DCC: variants seen among roughly 807,000 people sequenced by gnomAD.
DCC encodes netrin receptor DCC.
In DCC, 58 loss-of-function variants were observed where a neutral mutation model predicts 172.5. The ratio of observed to expected loss-of-function variants is 0.34; its 90% CI spans 0.27 to 0.42. The LOEUF (loss-of-function observed/expected upper bound fraction) is 0.42. Ranked by LOEUF, DCC falls within the 10% of genes least tolerant of loss-of-function variation. DCC has a pLI of 1.00. For synonymous variants in DCC, 709 were observed against 644.5 expected (o/e 1.10, Z -1.52); for missense variants, 1,740 against 1,791.0 (o/e 0.97, Z 0.51).
At chr18:53,443,190 A>G (rs9956770) in intron 22 of DCC, among the ~76,000 whole-genome samples, 32 of 152,344 alleles carry the variant, frequency 2.1e-4, no homozygotes, top group African/African-American at 7.7e-4. Context: ...AGACAGGTCA[A>G]TAGTTGGCTT....
chr18:52,417,149 T>A (rs1054599918), intron 1 of DCC, among the ~76,000 whole-genome samples: 1 of 152,118 alleles, frequency 6.6e-6, no homozygotes. Flanking sequence ...TTTGGCTGGA[T>A]ATGAAATTCT....
intron 11 of DCC, among the ~76,000 whole-genome samples, chr18:53,214,101 T>A (rs1473072115): frequency 6.6e-6 from 1 of 152,086 alleles, no homozygotes; most frequent in African/African-American, 2.4e-5. Flanking sequence ...TGTATTTAAT[T>A]TTAAAATCAG....
At chr18:53,350,777 T>C (rs2057782577) in intron 15 of DCC, among the ~76,000 whole-genome samples, 1 of 152,050 alleles carries the variant, frequency 6.6e-6, no homozygotes, top group Non-Finnish European at 1.5e-5. Context: ...ATTGCAATAA[T>C]ATGAAAATTT....
chr18:52,470,464 A>G (rs540431263), intron 1 of DCC, among the ~76,000 whole-genome samples: 1 of 152,276 alleles, frequency 6.6e-6, no homozygotes, highest in East Asian at 1.9e-4. Flanking sequence ...GATCTCTTGT[A>G]ACATTGAGGA....
intron 1 of DCC, among the ~76,000 whole-genome samples, chr18:52,689,414 G>C (rs550327419): frequency 2.5e-4 from 38 of 152,084 alleles, no homozygotes; most frequent in Non-Finnish European, 4.9e-4. Flanking sequence ...AAGAAATAAT[G>C]AGTAGAAAGA....
chr18:53,529,038 T>TCACACACACA (rs140593675), intron 28 of DCC, among the ~76,000 whole-genome samples: 46 of 65,256 alleles, frequency 7.0e-4, no homozygotes, highest in East Asian at 4.5e-3. Flanking sequence ...TCTCTCTCTC[T>TCACACACACA]CACACACACA....
chr18:53,458,812 G>A (rs2045514070), intron 23 of DCC, among the ~76,000 whole-genome samples: 1 of 152,152 alleles, frequency 6.6e-6, no homozygotes, highest in Non-Finnish European at 1.5e-5. Context: ...TTAGCTATTG[G>A]CATAAATTCT....
At chr18:52,374,174 G>A (rs999060732) in intron 1 of DCC, among the ~76,000 whole-genome samples, 3 of 152,156 alleles carry the variant, frequency 2.0e-5, no homozygotes, top group Non-Finnish European at 2.9e-5. Context: ...TTACAGACAT[G>A]AGCCACCATG....
intron 7 of DCC, among the ~76,000 whole-genome samples, chr18:53,107,491 C>T (rs945209557): frequency 5.7e-5 from 8 of 139,330 alleles, no homozygotes; most frequent in Admixed American, 4.6e-4. Flanking sequence ...TGCTCTCTTA[C>T]GTTTATAATC....
intron 7 of DCC, among the ~76,000 whole-genome samples, chr18:53,093,814 A>G (rs1056951067): frequency 6.6e-6 from 1 of 152,296 alleles, no homozygotes; most frequent in Admixed American, 6.5e-5. Flanking sequence ...TTCATCTATT[A>G]GGCATGACAG....
intron 28 of DCC, among the ~76,000 whole-genome samples, chr18:53,529,577 A>G (rs2046502939): frequency 6.6e-6 from 1 of 152,206 alleles, no homozygotes; most frequent in African/African-American, 2.4e-5. Flanking sequence ...TCCTCAAAAG[A>G]CAAACTTGTT....
chr18:52,929,817 A>AACACAC lies in DCC; in HGVS notation c.985+4488_985+4493dup, dbSNP rs34457182. On this transcript the variant is annotated intron_variant, in intron 5 of 28. Transcript: ENST00000442544. ...ATAATCCAAAGACCTGGACTTTGCA[A>AACACAC]ACACACACACACACACACACACACA... Among the ~76,000 whole-genome samples the AACACAC allele has an allele frequency of 7.3e-3, 1,056 of 144,830 alleles. 7 individuals are homozygous for AACACAC. The highest frequency in any genetic ancestry group is 0.016 in the African/African-American group (612 of 38,964).
intron 5 of DCC, among the ~76,000 whole-genome samples, chr18:52,958,196 C>A (rs887869729): frequency 6.6e-6 from 1 of 151,726 alleles, no homozygotes. Context: ...TTTCTTCTAT[C>A]CTTTTATTAT....
At chr18:52,578,724 G>GGGCAC (rs1183223280) in intron 1 of DCC, among the ~76,000 whole-genome samples, 2 of 152,190 alleles carry the variant, frequency 1.3e-5, no homozygotes, top group African/African-American at 4.8e-5. Context: ...ATTAGAGGCT[G>GGGCAC]GGCACGGTGG....
At chr18:53,198,454 TCA>T (rs527863673) in intron 9 of DCC, among the ~76,000 whole-genome samples, 1 of 144,720 alleles carries the variant, frequency 6.9e-6, no homozygotes, top group Middle Eastern at 3.5e-3. Context: ...TCTCTCTCTC[TCA>T]CACACACACA....
At chr18:52,374,172 A>C (rs1354774465) in intron 1 of DCC, among the ~76,000 whole-genome samples, 2 of 152,022 alleles carry the variant, frequency 1.3e-5, no homozygotes, top group Non-Finnish European at 1.5e-5. Flanking sequence ...GATTACAGAC[A>C]TGAGCCACCA....
intron 1 of DCC, among the ~76,000 whole-genome samples, chr18:52,495,192 T>C (rs991884906): frequency 1.3e-5 from 2 of 152,132 alleles, no homozygotes; most frequent in Admixed American, 6.6e-5. Context: ...GGCTTTGTAA[T>C]TAGCTTTTTA....
chr18:52,922,790 C>T (rs567590662), intron 3 of DCC, among the ~76,000 whole-genome samples: 1 of 152,232 alleles, frequency 6.6e-6, no homozygotes, highest in African/African-American at 2.4e-5. Flanking sequence ...ATCAGTAGAG[C>T]TTATATAGGA....
At chr18:53,158,057 A>T (rs1009211582) in intron 8 of DCC, among the ~76,000 whole-genome samples, 2 of 152,226 alleles carry the variant, frequency 1.3e-5, no homozygotes, top group Admixed American at 6.5e-5. Flanking sequence ...GACACATTGC[A>T]TGCCTGTATC....
Sources: gnomAD v4.1 joint callset for allele counts (sites outside exome capture counted in the v4.1 genomes callset) on GRCh38, gnomAD v4.1.1 for gene constraint, MANE v1.5 for transcripts, NCBI Gene and HGNC (gene_info 2026-07-23, HGNC 2026-07-21) for gene names.